REPS2: variants seen among roughly 807,000 people sequenced by gnomAD.
The protein encoded by REPS2 is RALBP1 associated Eps domain containing 2, also known as ralBP1-associated Eps domain-containing protein 2.
REPS2 carries 23 observed loss-of-function variants against 53.6 expected under a neutral mutation model. That is an observed-to-expected ratio of 0.43 (90% CI 0.31 to 0.61). The LOEUF is 0.61. Ranked by LOEUF, REPS2 falls within the 20% of genes least tolerant of loss-of-function variation. REPS2 has a pLI of 0.11. For missense variants in REPS2, 446 were observed against 534.9 expected (o/e 0.83, Z 1.64); for synonymous variants, 238 against 218.6 (o/e 1.09, Z -0.78).
chrX:17,052,849 G>C (rs1270941922), intron 7 of REPS2, among the ~76,000 whole-genome samples: 3 of 111,816 alleles, frequency 2.7e-5, no homozygotes, highest in African/African-American at 9.8e-5. Context: ...TGAGTGAACA[G>C]AAGGTTGAGG....
chrX:17,196,115 A>C, the REPS2 span, among the ~76,000 whole-genome samples: 6 of 112,124 alleles, frequency 5.4e-5, no homozygotes, highest in South Asian at 2.3e-3. Context: ...TCTGCCATTA[A>C]GATTATGCAA....
intron 16 of REPS2, chrX:17,138,225 G>A (rs148253208): frequency 2.7e-5 from 3 of 112,283 alleles, no homozygotes; most frequent in East Asian, 5.6e-4. Flanking sequence ...TGGTCACTCT[G>A]GTTATGCGTG....
the REPS2 span, among the ~76,000 whole-genome samples, chrX:17,192,105 A>C: frequency 8.9e-5 from 10 of 112,382 alleles, no homozygotes; most frequent in East Asian, 2.5e-3. Context: ...TTTTTGAAAT[A>C]TCTCTCTCTC....
intron 8 of REPS2, among the ~76,000 whole-genome samples, chrX:17,057,339 T>G (rs188228292): frequency 2.7e-5 from 3 of 112,194 alleles, no homozygotes; most frequent in South Asian, 7.5e-4. Context: ...AGTCTGTCAT[T>G]TTCTGTGTTA....
intron 14 of REPS2, among the ~76,000 whole-genome samples, chrX:17,125,407 T>G (rs906815187): frequency 8.9e-6 from 1 of 111,749 alleles, no homozygotes; most frequent in Non-Finnish European, 1.9e-5. Flanking sequence ...ATGAAGAGTT[T>G]GGACCATCAG....
chrX:16,948,866 G>C (rs956676062), intron 1 of REPS2, among the ~76,000 whole-genome samples: 3 of 112,290 alleles, frequency 2.7e-5, no homozygotes, highest in African/African-American at 9.7e-5. Flanking sequence ...GAGATTGCTT[G>C]GAGTAAATCT....
intron 13 of REPS2, among the ~76,000 whole-genome samples, chrX:17,101,132 A>C (rs751879129): frequency 7.0e-5 from 7 of 99,303 alleles, no homozygotes; most frequent in East Asian, 6.3e-4. Context: ...CGGCTCACTG[A>C]AAGCTCCACC....
At chrX:17,141,124 C>A (rs930668147) in intron 17 of REPS2, among the ~76,000 whole-genome samples, 1 of 111,875 alleles carries the variant, frequency 8.9e-6, no homozygotes, top group African/African-American at 3.2e-5. Flanking sequence ...CATGTACTTA[C>A]GGAATCCAAA....
chrX:16,957,180 C>T (rs781050706), intron 1 of REPS2, among the ~76,000 whole-genome samples: 5 of 111,120 alleles, frequency 4.5e-5, no homozygotes, highest in Non-Finnish European at 7.6e-5. Flanking sequence ...GAGGTTGAGG[C>T]GGGCGGATCA....
At chrX:17,194,644 A>G in the REPS2 span, among the ~76,000 whole-genome samples, 1 of 111,860 alleles carries the variant, frequency 8.9e-6, no homozygotes, top group African/African-American at 3.2e-5. Context: ...TGTGGTGATG[A>G]AACTGTTTAA....
rs368173553 is a variant in REPS2, at chrX:17,117,825, T to C, written c.1578+14046T>C. On this transcript the variant is annotated intron_variant, in intron 14 of 17. Coordinates refer to ENST00000357277, the MANE Select transcript of REPS2 (RefSeq NM_004726.3). Reference sequence around the variant, plus strand: ...TGACTGGGTCAACTGGTATTTCTAGTTCTAGATCCCTGAGGAATCGCCACA... The same window carrying C: ...TGACTGGGTCAACTGGTATTTCTAGCTCTAGATCCCTGAGGAATCGCCACA... 5.4e-5 allele frequency among the ~76,000 whole-genome samples: 6 copies of C among 110,738 alleles called. No homozygotes were observed. In the East Asian group the frequency reaches 1.4e-3, roughly 26 times the overall value.
chrX:17,012,034 A>G (rs1320267808), intron 2 of REPS2, among the ~76,000 whole-genome samples: 1 of 110,453 alleles, frequency 9.1e-6, no homozygotes, highest in Non-Finnish European at 1.9e-5. Context: ...AGCATCTAAC[A>G]GTGTTTGAAA....
chrX:17,054,742 C>A, intron 7 of REPS2, 66 bp from the exon 8 acceptor site: 1 of 1,131,455 alleles, frequency 8.8e-7, no homozygotes, highest in Non-Finnish European at 1.2e-6. Flanking sequence ...TTTATTGGCA[C>A]GTTTGGGCCA....
At chrX:17,145,966 G>A (rs903564981) in intron 17 of REPS2, among the ~76,000 whole-genome samples, 7 of 109,700 alleles carry the variant, frequency 6.4e-5, no homozygotes, top group African/African-American at 1.0e-4. Context: ...AAAATTAGCC[G>A]GGCGTGGTGG....
intron 14 of REPS2, among the ~76,000 whole-genome samples, chrX:17,117,373 A>G (rs985783077): frequency 9.9e-5 from 11 of 111,092 alleles, no homozygotes; most frequent in Non-Finnish European, 1.7e-4. Context: ...TGCTGCACCC[A>G]TTAACTCGTC....
chrX:17,131,903 GTT>G (rs796407460), intron 14 of REPS2, among the ~76,000 whole-genome samples: 2 of 90,470 alleles, frequency 2.2e-5, no homozygotes, highest in African/African-American at 4.0e-5. Flanking sequence ...ATTTACTAGA[GTT>G]TTTTTTTTTT....
chrX:17,113,710 G>T (rs996966969), intron 14 of REPS2, among the ~76,000 whole-genome samples: 2 of 111,267 alleles, frequency 1.8e-5, no homozygotes, highest in Admixed American at 9.6e-5. Context: ...AGTGATAAGT[G>T]CAAGGAGAAG....
At chrX:17,019,850 G>T (rs2061548909) in intron 2 of REPS2, among the ~76,000 whole-genome samples, 1 of 111,619 alleles carries the variant, frequency 9.0e-6, no homozygotes, top group South Asian at 3.7e-4. Flanking sequence ...AAAACATTCA[G>T]ACTGAAAATT....
At chrX:17,041,657 C>G (rs1164900972) in intron 5 of REPS2, among the ~76,000 whole-genome samples, 1 of 111,938 alleles carries the variant, frequency 8.9e-6, no homozygotes, top group Non-Finnish European at 1.9e-5. Context: ...TTTGCTACTC[C>G]AAATAGTTTG....
Sources: allele counts gnomAD v4.1 joint callset (sites outside exome capture counted in the v4.1 genomes callset), GRCh38; gene constraint gnomAD v4.1.1; transcripts MANE v1.5; gene names NCBI Gene and HGNC (gene_info 2026-07-23, HGNC 2026-07-21).